The following TMEM38A variants were observed in gnomAD, a reference collection of about 807,000 sequenced individuals.
TMEM38A encodes the protein transmembrane protein 38A, also known as trimeric intracellular cation channel type A.
In TMEM38A, 17 loss-of-function variants were observed where a neutral mutation model predicts 28.6. The ratio of observed to expected loss-of-function variants is 0.60; its 90% CI spans 0.41 to 0.89. The LOEUF (loss-of-function observed/expected upper bound fraction) is 0.89, where lower values mean the gene tolerates loss of function less well. TMEM38A is among the 40% of genes least tolerant of loss of function. TMEM38A has a pLI of 0.00. For synonymous variants in TMEM38A, 169 were observed against 166.1 expected, an observed-to-expected ratio of 1.02 and a Z score of -0.14; for missense variants, 328 against 393.1, an observed-to-expected ratio of 0.83 and a Z score of 1.40.
rs2086785891 is a variant in TMEM38A, at chr19:16,682,462, C to T, written c.508C>T (p.Arg170Ter). Reference sequence around the variant, plus strand: ...CATGTCCAACTTTGAGCAGCTGCTCCGAGGGGTCTGGAAGCCAGAGACCAA... The same window carrying T: ...CATGTCCAACTTTGAGCAGCTGCTCTGAGGGGTCTGGAAGCCAGAGACCAA... ...ALMSNFEQLL[R>*]GVWKPETNEI... The change falls in exon 4 of 6, where the codon CGA becomes TGA. Residue 170 changes from arginine (R) to a stop codon, truncating the protein, a stop_gained. Coordinates refer to ENST00000187762, the MANE Select transcript of TMEM38A (RefSeq NM_024074.4). LOFTEE classifies it high-confidence loss of function. 8 of 1,613,892 alleles carry T rather than the reference C, an allele frequency of 5.0e-6. No individual in the cohort carries two copies. The highest frequency in any genetic ancestry group is 4.5e-5 in the East Asian group (2 of 44,890).
chr19:16,677,240 C>T (rs144670678), intron 1 of TMEM38A, among the ~76,000 whole-genome samples: 1 of 152,100 alleles, frequency 6.6e-6, no homozygotes, highest in East Asian at 1.9e-4. Context: ...TACCCTTTAC[C>T]CAGCTTCCTC....
At chr19:16,685,553 G>A (rs1358957212) in intron 4 of TMEM38A, among the ~76,000 whole-genome samples, 1 of 152,230 alleles carries the variant, frequency 6.6e-6, no homozygotes, top group African/African-American at 2.4e-5. Flanking sequence ...AACCAGGGAA[G>A]CTCTTCTGAG....
At chr19:16,664,512 C>T (rs529822855) in intron 1 of TMEM38A, among the ~76,000 whole-genome samples, 29 of 152,292 alleles carry the variant, frequency 1.9e-4, no homozygotes, top group Non-Finnish European at 4.1e-4. Flanking sequence ...TGTAAATTTT[C>T]TTCTCAGAAT....
At chr19:16,668,468 C>T (rs1034048368) in intron 1 of TMEM38A, among the ~76,000 whole-genome samples, 1 of 146,124 alleles carries the variant, frequency 6.8e-6, no homozygotes, top group African/African-American at 2.6e-5. Context: ...TTGCTTGAAC[C>T]TGGGGGGAGG....
At chr19:16,684,963 C>G (rs966676739) in intron 4 of TMEM38A, among the ~76,000 whole-genome samples, 3 of 151,446 alleles carry the variant, frequency 2.0e-5, no homozygotes, top group Non-Finnish European at 4.4e-5. Flanking sequence ...GTGGGAGAAT[C>G]ACTTGAGCCT....
chr19:16,679,252 CGTGTGT>C (rs35543309), intron 1 of TMEM38A, among the ~76,000 whole-genome samples: 12,638 of 128,226 alleles, frequency 0.099, 512 homozygotes, highest in African/African-American at 0.18. Context: ...TCTTTTGTTT[CGTGTGT>C]GTGTGTGTGT....
rs1191095108 is a variant in TMEM38A, at chr19:16,689,241, T to G, written c.*870T>G. On this transcript the variant is annotated 3_prime_UTR_variant, in exon 6 of 6. Transcript: ENST00000187762. ...CTGAGCTTGGCGCTCCCCATCTGTA[T>G]AGTGGAGACCCTTGGCCCCCCTCTG... 6.6e-6 allele frequency: 1 copy of G among 152,134 alleles called. No individual in the cohort carries two copies. Among genetic ancestry groups the G allele is most frequent in the Non-Finnish European group, 1.5e-5 (1 of 68,056 alleles). The allele number at this position is 152,134 out of a possible 1,614,324, so 9.4% of individuals were successfully genotyped here.
At position 16,661,554 on chromosome 19, in the gene TMEM38A, G is replaced by C. The variant is rs995020755; in HGVS notation, c.124+213G>C. 4.6e-5 allele frequency among the ~76,000 whole-genome samples: 7 copies of C among 152,074 alleles called. No individual in the cohort carries two copies. Among genetic ancestry groups the C allele is most frequent in the African/African-American group, 1.7e-4 (7 of 41,404 alleles). On this transcript the variant is annotated intron_variant, in intron 1 of 5. Coordinates refer to ENST00000187762, the MANE Select transcript of TMEM38A (RefSeq NM_024074.4). This position sits in a 1 kb window ranked among gnomAD's most constrained non-coding sequence, Gnocchi z 6.5. The stretch of plus-strand genomic sequence containing the variant: ...GAAGCCCCCAGGACGATGAAGCTGG[G>C]GGAGGGGAAGGAGAGGCGTGCGCGG...
At chr19:16,683,906 GT>G (rs2086791170) in intron 4 of TMEM38A, among the ~76,000 whole-genome samples, 1 of 151,770 alleles carries the variant, frequency 6.6e-6, no homozygotes. Flanking sequence ...GGAGGCGGAG[GT>G]TGCAGTGAGC....
chr19:16,674,183 G>A (rs1349610753), intron 1 of TMEM38A, among the ~76,000 whole-genome samples: 3 of 151,846 alleles, frequency 2.0e-5, no homozygotes, highest in Non-Finnish European at 4.4e-5. Context: ...TCAGGAGTTC[G>A]AGACCAGTTT....
At chr19:16,687,661 A>T (rs1309154112) in intron 5 of TMEM38A, among the ~76,000 whole-genome samples, 3 of 152,132 alleles carry the variant, frequency 2.0e-5, no homozygotes, top group African/African-American at 7.2e-5. Context: ...GTGTCCTCGC[A>T]TGGTGGAAGG....
chr19:16,670,832 G>A (rs942068836), intron 1 of TMEM38A, among the ~76,000 whole-genome samples: 5 of 152,074 alleles, frequency 3.3e-5, no homozygotes, highest in Non-Finnish European at 5.9e-5. Flanking sequence ...CCAGGTACTC[G>A]GGAGGCTGAG....
intron 1 of TMEM38A, among the ~76,000 whole-genome samples, chr19:16,679,010 A>G (rs541557935): frequency 9.9e-5 from 15 of 151,394 alleles, no homozygotes; most frequent in African/African-American, 3.6e-4. Context: ...TTAGCCAGGC[A>G]TGGTGGTGGC....
At chr19:16,681,837 C>A (rs1341427740) in intron 3 of TMEM38A, among the ~76,000 whole-genome samples, 2 of 152,212 alleles carry the variant, frequency 1.3e-5, no homozygotes, top group Admixed American at 1.3e-4. Flanking sequence ...AGTAGTACAT[C>A]TCAGGCACCC....
chr19:16,689,491 G>A lies in TMEM38A; in HGVS notation c.*1120G>A, dbSNP rs1391993007. On this transcript the variant is annotated 3_prime_UTR_variant, in exon 6 of 6. Transcript: ENST00000187762. ...GCTTGAGAGATCAGATGGCGTGAAA[G>A]GCTTGTGATCTGTTCGTCTCAGGCT... 1 of 152,202 alleles carries A rather than the reference G, an allele frequency of 6.6e-6. No homozygotes were observed. Among genetic ancestry groups the A allele is most frequent in the East Asian group, 1.9e-4 (1 of 5,194 alleles). The allele number at this position is 152,202 out of a possible 1,614,324, so 9.4% of individuals were successfully genotyped here.
In TMEM38A at chr19:16,661,883, G is replaced by A. The variant is rs1568311655; in HGVS notation, c.124+542G>A. 6.6e-6 allele frequency among the ~76,000 whole-genome samples: 1 copy of A among 151,964 alleles called. No individual in the cohort carries two copies. The highest frequency in any genetic ancestry group is 1.5e-5 in the Non-Finnish European group (1 of 68,006). The stretch of plus-strand genomic sequence containing the variant: ...CTCCCCTCCCTTCCCCCACGGTGCT[G>A]AATCTCCGAGCCCCCACGGGAATTC... On this transcript the variant is annotated intron_variant, in intron 1 of 5. Coordinates refer to ENST00000187762, the MANE Select transcript of TMEM38A (RefSeq NM_024074.4). This position sits in a 1 kb window ranked among gnomAD's most constrained non-coding sequence, Gnocchi z 6.5.
intron 3 of TMEM38A, among the ~76,000 whole-genome samples, chr19:16,682,175 G>A (rs891960384): frequency 2.6e-5 from 4 of 152,062 alleles, no homozygotes; most frequent in Non-Finnish European, 4.4e-5. Context: ...GACCTGCCTT[G>A]CAGGTGGGGA....
chr19:16,682,338 A>G, intron 3 of TMEM38A, 83 bp from the exon 4 acceptor site: 1 of 1,109,266 alleles, frequency 9.0e-7, no homozygotes, highest in Non-Finnish European at 1.4e-6. Flanking sequence ...CTGGGAGTGG[A>G]GAGACTGCTT....
chr19:16,678,994 C>T (rs1010096841), intron 1 of TMEM38A, among the ~76,000 whole-genome samples: 2 of 149,858 alleles, frequency 1.3e-5, no homozygotes, highest in African/African-American at 4.9e-5. Flanking sequence ...ACTGAAAATA[C>T]AAAAATTAGC....
Sources: gnomAD v4.1 joint callset for allele counts (sites outside exome capture counted in the v4.1 genomes callset) on GRCh38, gnomAD v4.1.1 for gene constraint, Gnocchi (gnomAD v3.1) non-coding constraint, MANE v1.5 for transcripts, NCBI Gene and HGNC (gene_info 2026-07-23, HGNC 2026-07-21) for gene names.